The following TNRC6A variants were observed in gnomAD, a reference collection of about 807,000 sequenced individuals.
The protein encoded by TNRC6A is trinucleotide repeat containing adaptor 6A.
Under a neutral mutation model 221.2 loss-of-function variants are expected in TNRC6A, and 44 were observed. The observed-to-expected ratio is 0.20, with a 90% CI of 0.16 to 0.26. The LOEUF (loss-of-function observed/expected upper bound fraction) is 0.26. TNRC6A is among the 10% of genes least tolerant of loss of function. TNRC6A has a pLI of 1.00. For synonymous variants in TNRC6A, 847 were observed against 838.5 expected (o/e 1.01, Z -0.18); for missense variants, 2,199 against 2,404.4 (o/e 0.91, Z 1.79).
At chr16:24,720,399 G>GA (rs1320927974) in intron 2 of TNRC6A, among the ~76,000 whole-genome samples, 2 of 151,882 alleles carry the variant, frequency 1.3e-5, no homozygotes. Context: ...CTCAAAAAAA[G>GA]AAAAAGAGGT....
rs181936670 is a variant in TNRC6A, at chr16:24,688,035, C to T, written n.402+47026C>T. On this transcript the variant is annotated intron_variant and non_coding_transcript_variant, in intron 2 of 2. Coordinates refer to the TNRC6A transcript ENST00000566108. ...GCAAGCTCCGCCTCCTGGGTTCACG[C>T]CATTCTCCTGCCTCAGCCTCCCGAG... Among the ~76,000 whole-genome samples the T allele has an allele frequency of 2.3e-3, 339 of 150,484 alleles. 1 individual carries two copies. Among genetic ancestry groups the T allele is most frequent in the African/African-American group, 7.5e-3 (309 of 41,002 alleles).
chr16:24,630,637 A>C (rs1901283217), intron 1 of TNRC6A, among the ~76,000 whole-genome samples: 1 of 152,112 alleles, frequency 6.6e-6, no homozygotes, highest in Non-Finnish European at 1.5e-5. Context: ...CTCACGTCCT[A>C]TTCTCCTATT....
At chr16:24,776,366 T>C in intron 4 of TNRC6A, 2 of 985,434 alleles carry the variant, frequency 2.0e-6, no homozygotes, top group African/African-American at 3.5e-5. Flanking sequence ...GTTCTGAGTT[T>C]GTCTTATATG....
At chr16:24,653,996 C>T (rs1902816169) in intron 2 of TNRC6A, among the ~76,000 whole-genome samples, 1 of 152,160 alleles carries the variant, frequency 6.6e-6, no homozygotes, top group South Asian at 2.1e-4. Context: ...CATCCACCTC[C>T]CAGGATCAAG....
At chr16:24,654,729 T>TAATAAAA (rs1383901600) in intron 2 of TNRC6A, among the ~76,000 whole-genome samples, 1 of 151,186 alleles carries the variant, frequency 6.6e-6, no homozygotes, top group South Asian at 2.1e-4. Context: ...AAAAAAAAAT[T>TAATAAAA]AATAAAAAAT....
intron 2 of TNRC6A, among the ~76,000 whole-genome samples, chr16:24,707,728 A>C (rs2056124302): frequency 6.6e-6 from 1 of 152,228 alleles, no homozygotes; most frequent in South Asian, 2.1e-4. Flanking sequence ...AGACATACAA[A>C]TTAAAGTGAG....
chr16:24,709,054 C>T (rs1327207635), intron 2 of TNRC6A, among the ~76,000 whole-genome samples: 3 of 151,724 alleles, frequency 2.0e-5, no homozygotes, highest in Admixed American at 6.6e-5. Context: ...GTCGGGAGTT[C>T]GAGACCAGCC....
intron 2 of TNRC6A, among the ~76,000 whole-genome samples, chr16:24,723,439 C>A (rs902168503): frequency 1.3e-5 from 2 of 151,994 alleles, no homozygotes; most frequent in African/African-American, 4.8e-5. Flanking sequence ...ACTAAAAATA[C>A]AAAAATCAGC....
At chr16:24,753,496 C>G (rs2057182266) in intron 3 of TNRC6A, among the ~76,000 whole-genome samples, 1 of 152,210 alleles carries the variant, frequency 6.6e-6, no homozygotes, top group Non-Finnish European at 1.5e-5. Flanking sequence ...CAGCTTACAA[C>G]TGAATTTGAA....
intron 4 of TNRC6A, among the ~76,000 whole-genome samples, chr16:24,763,764 A>G (rs2057413226): frequency 6.6e-6 from 1 of 152,096 alleles, no homozygotes; most frequent in African/African-American, 2.4e-5. Context: ...TTCCATTCTC[A>G]TCTTTATTTT....
chr16:24,646,044 T>G (rs1902272211), intron 2 of TNRC6A, among the ~76,000 whole-genome samples: 1 of 151,896 alleles, frequency 6.6e-6, no homozygotes, highest in African/African-American at 2.4e-5. Flanking sequence ...TGCATATTGA[T>G]TCATGTTAAA....
intron 1 of TNRC6A, among the ~76,000 whole-genome samples, chr16:24,631,795 G>GA (rs1406759035): frequency 6.6e-6 from 1 of 150,618 alleles, no homozygotes; most frequent in Non-Finnish European, 1.5e-5. Context: ...AACAAAAAAA[G>GA]AAAAACAGAA....
chr16:24,736,536 C>A (rs972742941), intron 2 of TNRC6A, among the ~76,000 whole-genome samples: 1 of 152,150 alleles, frequency 6.6e-6, no homozygotes, highest in African/African-American at 2.4e-5. Flanking sequence ...CTGCCCTTTT[C>A]TGCTTCTCTC....
intron 16 of TNRC6A, 43 bp from the exon 17 acceptor site, chr16:24,806,531 G>GTT: frequency 1.2e-6 from 2 of 1,606,404 alleles, no homozygotes; most frequent in Non-Finnish European, 1.7e-6. Flanking sequence ...CTGTAAAGAC[G>GTT]TTTTCCCCCA....
chr16:24,630,113 A>G (rs898579068), intron 1 of TNRC6A, among the ~76,000 whole-genome samples: 7 of 152,180 alleles, frequency 4.6e-5, no homozygotes, highest in African/African-American at 7.2e-5. Flanking sequence ...AAAGAATGTT[A>G]TATTTTTTCT....
intron 17 of TNRC6A, among the ~76,000 whole-genome samples, chr16:24,808,890 C>T (rs1254452175): frequency 6.6e-6 from 1 of 152,204 alleles, no homozygotes; most frequent in East Asian, 1.9e-4. Context: ...TTGAAATTTC[C>T]ATTCTTGTTC....
chr16:24,806,430 G>T, intron 16 of TNRC6A, 144 bp from the exon 17 acceptor site: 1 of 1,348,020 alleles, frequency 7.4e-7, no homozygotes, highest in Non-Finnish European at 1.0e-6. Flanking sequence ...TCTGCTGGTT[G>T]CCCATGAGTT....
chr16:24,703,012 G>T (rs1452789824), intron 2 of TNRC6A, among the ~76,000 whole-genome samples: 1 of 151,624 alleles, frequency 6.6e-6, no homozygotes, highest in Non-Finnish European at 1.5e-5. Context: ...TCCAGCCTGG[G>T]TGACAGTGCG....
chr16:24,790,344 A>G lies in TNRC6A; in HGVS notation c.1702A>G (p.Asn568Asp), dbSNP rs1047672051. The change falls in exon 6 of 25, where the codon AAC (asparagine) becomes GAC (aspartate). Residue 568 changes from asparagine (N) to aspartate (D), a missense_variant. Transcript: ENST00000395799. The part of the protein sequence containing the change: ...PMGTNFQVNT[N>D]KGGGVWESGA... ...GGGCACTAACTTTCAAGTTAACACA[A>G]ACAAAGGAGGTGGTGTGTGGGAATC... The G allele has an allele frequency of 6.2e-7, 1 of 1,614,220 alleles. No homozygotes were observed.
Sources: gnomAD v4.1 joint callset for allele counts (sites outside exome capture counted in the v4.1 genomes callset) on GRCh38, gnomAD v4.1.1 for gene constraint, MANE v1.5 for transcripts, NCBI Gene and HGNC (gene_info 2026-07-23, HGNC 2026-07-21) for gene names.